LRSAM1: variants seen among roughly 807,000 people sequenced by gnomAD.
LRSAM1 encodes the protein E3 ubiquitin-protein ligase LRSAM1.
Under a neutral mutation model 118.1 loss-of-function variants are expected in LRSAM1, and 96 were observed. The ratio of observed to expected loss-of-function variants is 0.81; its 90% CI spans 0.69 to 0.96. The LOEUF is 0.96. Among genes scored for constraint, LRSAM1 ranks in the 40% least tolerant of loss-of-function variants. The pLI is 0.00. For synonymous variants in LRSAM1, 322 were observed against 364.2 expected (o/e 0.88, Z 1.32); for missense variants, 804 against 915.5 (o/e 0.88, Z 1.57).
At chr9:127,496,219 C>T (rs1437093010) in intron 23 of LRSAM1, 124 bp downstream of exon 23, 7 of 1,404,126 alleles carry the variant, frequency 5.0e-6, no homozygotes, top group Non-Finnish European at 5.7e-6. Flanking sequence ...GGCCCAGGGC[C>T]ACCTTGCTTC....
chr9:127,481,634 C>T (rs1210067786), intron 15 of LRSAM1, among the ~76,000 whole-genome samples: 1 of 152,152 alleles, frequency 6.6e-6, no homozygotes, highest in Non-Finnish European at 1.5e-5. Flanking sequence ...AGGAGATTCA[C>T]CTCCTTAGAC....
rs192282483 is a variant in LRSAM1, at chr9:127,482,813, G to T, written c.1089-137G>T. On this transcript the variant is annotated intron_variant, in intron 15 of 25. Coordinates refer to ENST00000300417, the MANE Select transcript of LRSAM1 (RefSeq NM_001005373.4). ...GGGCCCCAAGGGTTGCTTGTGATGCGGTAGGCATCCAGAGAGCCCATCTAG... is the reference window on the plus strand; with the variant it reads ...GGGCCCCAAGGGTTGCTTGTGATGCTGTAGGCATCCAGAGAGCCCATCTAG... The T allele has an allele frequency of 2.6e-4, 197 of 762,470 alleles. No individual in the cohort carries two copies. The East Asian group carries it at 4.9e-3, about 19-fold the overall frequency. 47.2% of individuals were successfully genotyped at this position (762,470 alleles called of 1,614,324 possible).
intron 22 of LRSAM1, among the ~76,000 whole-genome samples, chr9:127,495,712 G>A (rs1836108085): frequency 6.6e-6 from 1 of 152,196 alleles, no homozygotes; most frequent in Admixed American, 6.5e-5. Flanking sequence ...GGGACAGAGA[G>A]GCAGTTGAAA....
In LRSAM1 at chr9:127,461,122, G is replaced by A. The variant is rs182192023; in HGVS notation, c.322-51G>A. The A allele has an allele frequency of 1.1e-3, 1,569 of 1,470,210 alleles. 16 individuals are homozygous for A. In the African/African-American group the frequency reaches 0.02, roughly 19 times the overall value. 91.1% of individuals were successfully genotyped at this position (1,470,210 alleles called of 1,614,324 possible). On this transcript the variant is annotated intron_variant, in intron 7 of 25. Coordinates refer to ENST00000300417, the MANE Select transcript of LRSAM1 (RefSeq NM_001005373.4). ...ACCTGCCTCGGCCTCCCAAAGTGCT[G>A]GGATTACAGGCATAAGCCACTGCGC...
chr9:127,494,558 A>G (rs1478840765), intron 21 of LRSAM1, among the ~76,000 whole-genome samples: 1 of 152,254 alleles, frequency 6.6e-6, no homozygotes, highest in Non-Finnish European at 1.5e-5. Context: ...GCCTGTTGTC[A>G]CCGTGGCTGT....
At chr9:127,467,692 G>A (rs764036829) in intron 9 of LRSAM1, 48 bp from the exon 10 acceptor site, 11 of 1,536,034 alleles carry the variant, frequency 7.2e-6, no homozygotes, top group African/African-American at 2.7e-5. Flanking sequence ...TGTGGTCTCC[G>A]GTTGCGTTGG....
At chr9:127,468,834 A>AAC (rs56043611) in intron 10 of LRSAM1, among the ~76,000 whole-genome samples, 1,298 of 110,204 alleles carry the variant, frequency 0.012, 137 homozygotes, top group Non-Finnish European at 0.018. Flanking sequence ...AAAAAAAAAA[A>AAC]AAAAATCAGC....
chr9:127,496,045 C>T lies in LRSAM1; in HGVS notation c.1780C>T (p.Arg594Cys), dbSNP rs150062009. ...CTACCTGCCCATCTTTGCGCACCAC[C>T]GCCTCTCACTGGACCTGCTGAGCCA... ...EHYLPIFAHH[R>C]LSLDLLSQMS... Residue 594 changes from arginine (R) to cysteine (C), a missense_variant, in exon 23 of 26, where the codon CGC (arginine) becomes TGC (cysteine). By Grantham distance (180) the Arg-to-Cys change is radical. Transcript: ENST00000300417. 1.9e-4 allele frequency: 307 copies of T among 1,612,306 alleles called. No homozygotes were observed. Among genetic ancestry groups the T allele is most frequent in the Non-Finnish European group, 1.9e-4 (224 of 1,180,014 alleles).
chr9:127,481,950 A>G (rs558221196), intron 15 of LRSAM1, among the ~76,000 whole-genome samples: 48 of 152,098 alleles, frequency 3.2e-4, no homozygotes, highest in African/African-American at 1.2e-3. Flanking sequence ...AGCTAAAAAA[A>G]AAAAGAAATT....
At chr9:127,466,517 T>TTA in intron 9 of LRSAM1, among the ~76,000 whole-genome samples, 1 of 93,576 alleles carries the variant, frequency 1.1e-5, no homozygotes, top group African/African-American at 4.6e-5. Context: ...TTTTTTTTTT[T>TTA]TTTTTTTTTT....
At chr9:127,497,401 A>G in intron 24 of LRSAM1, 67 bp downstream of exon 24, 1 of 1,481,232 alleles carries the variant, frequency 6.8e-7, no homozygotes, top group Admixed American at 1.7e-5. Flanking sequence ...TGGTGGGGAC[A>G]GTCATTTGCT....
At chr9:127,466,493 TATATATATA>T (rs1351115099) in intron 9 of LRSAM1, among the ~76,000 whole-genome samples, 464 of 17,996 alleles carry the variant, frequency 0.026, 5 homozygotes, top group Non-Finnish European at 0.033. Flanking sequence ...TATATATATA[TATATATATA>T]TATTTTTTTT....
chr9:127,492,916 T>C lies in LRSAM1; in HGVS notation c.1599+19T>C, dbSNP rs372873701. The C allele has an allele frequency of 8.1e-6, 13 of 1,606,628 alleles. No individual in the cohort carries two copies. The highest frequency in any genetic ancestry group is 2.7e-5 in the African/African-American group (2 of 74,826). On this transcript the variant is annotated intron_variant, in intron 21 of 25. Transcript: ENST00000300417. ...AATCCTGGTATGTGTTTGGCTTCTG[T>C]GCTCAGCATCACACAGGCATTTGCT...
At chr9:127,479,056 C>A in intron 12 of LRSAM1, 93 bp downstream of exon 12, 2 of 1,391,962 alleles carry the variant, frequency 1.4e-6, no homozygotes, top group Non-Finnish European at 1.0e-6. Context: ...TTCTTCCCAG[C>A]TCAGAATTAG....
At chr9:127,471,363 C>CG (rs1456760519) in intron 10 of LRSAM1, among the ~76,000 whole-genome samples, 1 of 147,760 alleles carries the variant, frequency 6.8e-6, no homozygotes, top group African/African-American at 2.5e-5. Context: ...GCCAGCTGCT[C>CG]GGGAGTCTTA....
At chr9:127,487,574 A>G in intron 17 of LRSAM1, 102 bp from the exon 18 acceptor site, 1 of 1,071,848 alleles carries the variant, frequency 9.3e-7, no homozygotes, top group South Asian at 1.3e-5. Flanking sequence ...AATGTGGTCC[A>G]CTGAAGAAAT....
intron 7 of LRSAM1, among the ~76,000 whole-genome samples, chr9:127,460,550 C>G (rs1834696895): frequency 6.6e-6 from 1 of 152,222 alleles, no homozygotes; most frequent in Non-Finnish European, 1.5e-5. Context: ...CCCTCCTTCC[C>G]TGATGGTGGG....
At chr9:127,466,514 T>A (rs1199519501) in intron 9 of LRSAM1, among the ~76,000 whole-genome samples, 312 of 76,504 alleles carry the variant, frequency 4.1e-3, no homozygotes, top group Admixed American at 9.3e-3. Context: ...ATTTTTTTTT[T>A]TTTTTTTTTT....
intron 10 of LRSAM1, chr9:127,470,845 T>C (rs1013587712): frequency 4.6e-5 from 7 of 152,042 alleles, no homozygotes; most frequent in Admixed American, 2.0e-4. Flanking sequence ...CCTTTAAACA[T>C]TCATCAAGCT....
Sources: allele counts gnomAD v4.1 joint callset (sites outside exome capture counted in the v4.1 genomes callset), GRCh38; gene constraint gnomAD v4.1.1; transcripts MANE v1.5; gene names NCBI Gene and HGNC (gene_info 2026-07-23, HGNC 2026-07-21).